The following PTPRD variants were observed in gnomAD, a reference collection of about 807,000 sequenced individuals.
The protein encoded by PTPRD is receptor-type tyrosine-protein phosphatase delta.
PTPRD carries 34 observed loss-of-function variants against 214.5 expected under a neutral mutation model. That is an observed-to-expected ratio of 0.16 (90% CI 0.12 to 0.21). The LOEUF (loss-of-function observed/expected upper bound fraction) is 0.21. Ranked by LOEUF, PTPRD falls within the 10% of genes least tolerant of loss-of-function variation. PTPRD has a pLI of 1.00. For synonymous variants in PTPRD, 1,128 were observed against 845.7 expected (o/e 1.33, Z -5.79); for missense variants, 2,545 against 2,398.7 (o/e 1.06, Z -1.27).
intron 4 of PTPRD, among the ~76,000 whole-genome samples, chr9:9,996,587 C>T (rs369205009): frequency 1.3e-5 from 2 of 152,150 alleles, no homozygotes; most frequent in African/African-American, 4.8e-5. Flanking sequence ...GAAAGTGAAG[C>T]TGAGGAAAAT....
chr9:9,473,937 T>A (rs532217465), intron 8 of PTPRD, among the ~76,000 whole-genome samples: 1 of 152,036 alleles, frequency 6.6e-6, no homozygotes, highest in Non-Finnish European at 1.5e-5. Flanking sequence ...TTTACTACAT[T>A]GTTTTGCTTT....
At chr9:9,556,446 T>G (rs868333182) in intron 8 of PTPRD, among the ~76,000 whole-genome samples, 8 of 152,164 alleles carry the variant, frequency 5.3e-5, no homozygotes, top group South Asian at 2.1e-4. Context: ...TCCAAATCTT[T>G]ATTGTTCAAG....
At chr9:9,706,135 T>C (rs1204394585) in intron 7 of PTPRD, among the ~76,000 whole-genome samples, 1 of 152,192 alleles carries the variant, frequency 6.6e-6, no homozygotes, top group Non-Finnish European at 1.5e-5. Context: ...ATAGTACTTC[T>C]CTTAAAACTA....
At position 10,451,478 on chromosome 9, in the gene PTPRD, G is replaced by A. The variant is rs374956405; in HGVS notation, c.-599-110461C>T. ...TGAGATCCTTAATGAGACATCCTTGGTTTGAATCTTGGTCCTTTCTACTTC... is the reference window on the plus strand; with the variant it reads ...TGAGATCCTTAATGAGACATCCTTGATTTGAATCTTGGTCCTTTCTACTTC... On this transcript the variant is annotated intron_variant, in intron 2 of 45. Transcript: ENST00000381196. Among the ~76,000 whole-genome samples the A allele has an allele frequency of 4.0e-5, 6 of 151,646 alleles. 1 individual carries two copies. Among genetic ancestry groups the A allele is most frequent in the African/African-American group, 1.5e-4 (6 of 41,232 alleles).
intron 7 of PTPRD, among the ~76,000 whole-genome samples, chr9:9,633,902 A>G (rs34916995): frequency 0.17 from 26,577 of 152,120 alleles, 2,625 homozygotes; most frequent in African/African-American, 0.26. Flanking sequence ...CCAAAAAACC[A>G]CCTGTATGTA....
At chr9:9,450,936 A>G (rs1305570805) in intron 8 of PTPRD, among the ~76,000 whole-genome samples, 1 of 110,074 alleles carries the variant, frequency 9.1e-6, no homozygotes, top group African/African-American at 3.5e-5. Context: ...CATCTAAGTA[A>G]ATACATACAT....
At chr9:9,571,926 G>GTTACATT (rs2086569607) in intron 8 of PTPRD, among the ~76,000 whole-genome samples, 1 of 150,948 alleles carries the variant, frequency 6.6e-6, no homozygotes, top group Non-Finnish European at 1.5e-5. Flanking sequence ...TGTAACACCT[G>GTTACATT]GAGTCCATTA....
chr9:9,273,100 TG>T (rs1332691005), intron 9 of PTPRD, among the ~76,000 whole-genome samples: 1 of 151,348 alleles, frequency 6.6e-6, no homozygotes, highest in Non-Finnish European at 1.5e-5. Flanking sequence ...CATTAGAAGA[TG>T]TACAATATCC....
intron 9 of PTPRD, among the ~76,000 whole-genome samples, chr9:9,341,106 TGTA>T (rs1258126923): frequency 2.1e-5 from 3 of 145,580 alleles, no homozygotes; most frequent in Non-Finnish European, 3.0e-5. Flanking sequence ...AAAATAAAAT[TGTA>T]GTAAATATTT....
At chr9:9,991,012 A>G (rs7870535) in intron 4 of PTPRD, among the ~76,000 whole-genome samples, 126,240 of 151,118 alleles carry the variant, frequency 0.84, 53,196 homozygotes, top group Middle Eastern at 0.89. Context: ...TCGGCTCACA[A>G]CAACCTCTGC....
intron 3 of PTPRD, among the ~76,000 whole-genome samples, chr9:10,171,617 C>G (rs536164505): frequency 6.6e-6 from 1 of 152,158 alleles, no homozygotes; most frequent in South Asian, 2.1e-4. Flanking sequence ...CTCCGCCTCC[C>G]GGGTTCACGC....
intron 43 of PTPRD, among the ~76,000 whole-genome samples, chr9:8,334,092 A>G (rs1844238233): frequency 6.6e-6 from 1 of 152,162 alleles, no homozygotes; most frequent in Non-Finnish European, 1.5e-5. Flanking sequence ...TAATAATAGG[A>G]GACTTTAACA....
intron 14 of PTPRD, among the ~76,000 whole-genome samples, chr9:8,595,439 GA>G (rs897758407): frequency 3.3e-5 from 5 of 152,134 alleles, no homozygotes; most frequent in African/African-American, 9.6e-5. Flanking sequence ...TGCTTAGAGG[GA>G]AAAAAATTAG....
At chr9:8,993,080 T>C (rs1426363796) in intron 11 of PTPRD, among the ~76,000 whole-genome samples, 1 of 152,146 alleles carries the variant, frequency 6.6e-6, no homozygotes, top group African/African-American at 2.4e-5. Context: ...CATAATCTTA[T>C]CTCAGAAATC....
intron 39 of PTPRD, among the ~76,000 whole-genome samples, chr9:8,352,865 C>A (rs556639667): frequency 6.6e-6 from 1 of 152,166 alleles, no homozygotes; most frequent in African/African-American, 2.4e-5. Context: ...GTAATCCCAG[C>A]GCTTTGGGAG....
At chr9:10,189,730 A>G (rs1010338322) in intron 3 of PTPRD, among the ~76,000 whole-genome samples, 3 of 152,228 alleles carry the variant, frequency 2.0e-5, no homozygotes, top group South Asian at 2.1e-4. Flanking sequence ...ACAAGGCACT[A>G]TAAGAAAATA....
chr9:8,331,456 C>T (rs975277234), intron 44 of PTPRD, 126 bp downstream of exon 44: 6 of 1,083,880 alleles, frequency 5.5e-6, no homozygotes, highest in Non-Finnish European at 7.8e-6. Flanking sequence ...ATCAATCCTG[C>T]TTTAAGTTTT....
chr9:10,503,722 C>T (rs1388056065), intron 2 of PTPRD, among the ~76,000 whole-genome samples: 1 of 151,966 alleles, frequency 6.6e-6, no homozygotes. Flanking sequence ...AATGAATAGA[C>T]TATATGGTGG....
chr9:9,933,179 A>G (rs1462452540), intron 5 of PTPRD, among the ~76,000 whole-genome samples: 4 of 152,268 alleles, frequency 2.6e-5, no homozygotes, highest in African/African-American at 7.2e-5. Context: ...CTAACGTGCA[A>G]AATAACCAGC....
Sources: allele counts gnomAD v4.1 joint callset (sites outside exome capture counted in the v4.1 genomes callset), GRCh38; gene constraint gnomAD v4.1.1; transcripts MANE v1.5; gene names NCBI Gene and HGNC (gene_info 2026-07-23, HGNC 2026-07-21).